The following SDK1 variants were observed in gnomAD, a reference collection of about 807,000 sequenced individuals.
The protein encoded by SDK1 is sidekick cell adhesion molecule 1.
SDK1 carries 157 observed loss-of-function variants against 245.5 expected under a neutral mutation model. The observed-to-expected ratio is 0.64, with a 90% confidence interval of 0.56 to 0.73. The LOEUF (loss-of-function observed/expected upper bound fraction) is 0.73. Ranked by LOEUF, SDK1 falls within the 30% of genes least tolerant of loss-of-function variation. SDK1 has a pLI of 0.00. For synonymous variants in SDK1, 1,647 were observed against 1,278.5 expected (o/e 1.29, Z -6.15); for missense variants, 3,583 against 3,002.3 (o/e 1.19, Z -4.52).
At chr7:3,801,931 T>G (rs1385256219) in intron 4 of SDK1, among the ~76,000 whole-genome samples, 2 of 152,232 alleles carry the variant, frequency 1.3e-5, no homozygotes, top group Admixed American at 6.5e-5. Flanking sequence ...ATGAAACAGC[T>G]TGTTAGTTTT....
intron 4 of SDK1, among the ~76,000 whole-genome samples, chr7:3,716,603 A>G (rs1785207921): frequency 2.0e-5 from 3 of 151,842 alleles, no homozygotes; most frequent in Admixed American, 1.3e-4. Flanking sequence ...CTACAAACAA[A>G]TCAAAAAATT....
At chr7:3,645,422 C>A (rs1782800525) in intron 4 of SDK1, among the ~76,000 whole-genome samples, 1 of 152,146 alleles carries the variant, frequency 6.6e-6, no homozygotes, top group Admixed American at 6.5e-5. Context: ...CTATTAAGTA[C>A]CTGCTGTGCA....
At chr7:3,632,283 G>T (rs1272638210) in intron 2 of SDK1, among the ~76,000 whole-genome samples, 1 of 152,188 alleles carries the variant, frequency 6.6e-6, no homozygotes, top group African/African-American at 2.4e-5. Flanking sequence ...AGGAATGAAT[G>T]ACGAATGCAT....
At chr7:4,043,774 A>C (rs762165534) in intron 17 of SDK1, among the ~76,000 whole-genome samples, 2 of 152,096 alleles carry the variant, frequency 1.3e-5, no homozygotes, top group African/African-American at 2.4e-5. Flanking sequence ...AGAATTTAAC[A>C]ACATTTGATA....
rs115122347 is a variant in SDK1 at position 3,864,437 on chromosome 7, C to T, written c.847+42854C>T. The stretch of plus-strand genomic sequence containing the variant: ...ACTGTCCCTTCCCTTTCCTGCCTGA[C>T]GTCTCCATCTGTTGAAGAATAAGAC... On this transcript the variant is annotated intron_variant, in intron 5 of 44. Transcript: ENST00000404826. Among the ~76,000 whole-genome samples, 1,231 of 152,264 alleles carry T rather than the reference C, an allele frequency of 8.1e-3. 21 individuals carry two copies. The highest frequency in any genetic ancestry group is 0.028 in the African/African-American group (1,146 of 41,546).
At chr7:3,617,126 T>G (rs1781796409) in intron 1 of SDK1, among the ~76,000 whole-genome samples, 1 of 152,212 alleles carries the variant, frequency 6.6e-6, no homozygotes, top group Non-Finnish European at 1.5e-5. Context: ...ATAGGGCTTT[T>G]GTGAGAAATA....
At chr7:3,747,087 C>G (rs1779646908) in intron 4 of SDK1, among the ~76,000 whole-genome samples, 1 of 152,150 alleles carries the variant, frequency 6.6e-6, no homozygotes, top group Non-Finnish European at 1.5e-5. Flanking sequence ...ACATTCATCT[C>G]CATGAGAACT....
chr7:3,424,637 C>T (rs776570126), intron 1 of SDK1, among the ~76,000 whole-genome samples: 2 of 152,132 alleles, frequency 1.3e-5, no homozygotes, highest in Admixed American at 6.5e-5. Context: ...GTGTTCACAC[C>T]GGTAATCCCA....
intron 4 of SDK1, among the ~76,000 whole-genome samples, chr7:3,671,860 T>C (rs1583292523): frequency 6.6e-6 from 1 of 152,350 alleles, no homozygotes; most frequent in African/African-American, 2.4e-5. Flanking sequence ...TTATGTAATA[T>C]GTCTGTGAGA....
chr7:3,560,132 A>G (rs1779702265), intron 1 of SDK1, among the ~76,000 whole-genome samples: 1 of 152,254 alleles, frequency 6.6e-6, no homozygotes, highest in African/African-American at 2.4e-5. Flanking sequence ...TGTTTGTTTT[A>G]TCATAGAGAT....
intron 1 of SDK1, among the ~76,000 whole-genome samples, chr7:3,465,534 T>C (rs994653430): frequency 6.6e-6 from 1 of 152,172 alleles, no homozygotes; most frequent in Admixed American, 6.5e-5. Context: ...TTTTCTTCCT[T>C]GAATGGCTTT....
chr7:3,474,106 T>G (rs1468684322), intron 1 of SDK1, among the ~76,000 whole-genome samples: 1 of 133,572 alleles, frequency 7.5e-6, no homozygotes, highest in African/African-American at 2.9e-5. Flanking sequence ...TTTTTTTTTT[T>G]TTTTTTTTTT....
At chr7:3,395,774 G>A (rs912094214) in intron 1 of SDK1, among the ~76,000 whole-genome samples, 21 of 151,820 alleles carry the variant, frequency 1.4e-4, no homozygotes, top group South Asian at 2.1e-4. Context: ...ATTTGTTGGC[G>A]TAAAGTTGTT....
intron 14 of SDK1, among the ~76,000 whole-genome samples, chr7:3,992,844 T>G (rs1334439053): frequency 1.3e-5 from 2 of 152,220 alleles, no homozygotes; most frequent in Non-Finnish European, 2.9e-5. Context: ...TAGTGCACTT[T>G]GAGTAATGCA....
Position 4,051,298 on chromosome 7 carries a change from T to G in SDK1, c.2719-340T>G, listed in dbSNP as rs187942279. ...ATACTTTTTATGTATATATGTTATA[T>G]ATGGATATATGTAATATATATTATA... On this transcript the variant is annotated intron_variant, in intron 18 of 44. Coordinates refer to ENST00000404826, the MANE Select transcript of SDK1 (RefSeq NM_152744.4). Among the ~76,000 whole-genome samples, 11 of 146,544 alleles carry G rather than the reference T, an allele frequency of 7.5e-5. No homozygotes were observed. The Admixed American group carries it at 7.6e-4, about 10-fold the overall frequency.
chr7:3,708,147 G>C (rs1027394821), intron 4 of SDK1, among the ~76,000 whole-genome samples: 1 of 152,152 alleles, frequency 6.6e-6, no homozygotes, highest in Non-Finnish European at 1.5e-5. Context: ...ACAGGAACAG[G>C]AGCAAGAGAG....
chr7:3,369,785 C>G (rs1781177925), intron 1 of SDK1, among the ~76,000 whole-genome samples: 1 of 152,180 alleles, frequency 6.6e-6, no homozygotes, highest in Admixed American at 6.5e-5. Context: ...TAATGAAAAA[C>G]TAACCCATGA....
chr7:3,912,664 G>A (rs529030801), intron 5 of SDK1, among the ~76,000 whole-genome samples: 144 of 152,276 alleles, frequency 9.5e-4, no homozygotes, highest in African/African-American at 3.2e-3. Flanking sequence ...CTGCCCCCTG[G>A]GCCCACCCCA....
intron 7 of SDK1, among the ~76,000 whole-genome samples, chr7:3,953,572 G>A (rs143084822): frequency 2.6e-5 from 4 of 152,296 alleles, no homozygotes; most frequent in South Asian, 2.1e-4. Context: ...AATTTGCGAC[G>A]TGTAAATCTC....
Sources: gnomAD v4.1 joint callset for allele counts (sites outside exome capture counted in the v4.1 genomes callset) on GRCh38, gnomAD v4.1.1 for gene constraint, MANE v1.5 for transcripts, NCBI Gene and HGNC (gene_info 2026-07-23, HGNC 2026-07-21) for gene names.